The following STPG2 variants were observed in gnomAD, a reference collection of about 807,000 sequenced individuals.
STPG2 encodes the protein sperm tail PG-rich repeat containing 2.
STPG2 carries 56 observed loss-of-function variants against 54.2 expected under a neutral mutation model. The observed-to-expected ratio is 1.03, with a 90% CI of 0.83 to 1.29. The LOEUF (loss-of-function observed/expected upper bound fraction) is 1.29, where lower values mean the gene tolerates loss of function less well. Ranked by LOEUF, STPG2 falls within the 50% of genes most tolerant of loss-of-function variation. The probability of loss-of-function intolerance (pLI) is 0.00; values close to 1 mark genes in which losing one functional copy is unlikely to be tolerated. For synonymous variants in STPG2, 200 were observed against 181.8 expected, an observed-to-expected ratio of 1.10 and a Z score of -0.81; for missense variants, 596 against 544.9, an observed-to-expected ratio of 1.09 and a Z score of -0.93.
At chr4:97,449,179 T>C (rs371577667) in intron 4 of STPG2, among the ~76,000 whole-genome samples, 1 of 152,132 alleles carries the variant, frequency 6.6e-6, no homozygotes, top group Non-Finnish European at 1.5e-5. Context: ...AAACCTTTGA[T>C]GAAATCTAAA....
chr4:97,879,267 T>C (rs1730289074), intron 8 of STPG2, among the ~76,000 whole-genome samples: 1 of 152,204 alleles, frequency 6.6e-6, no homozygotes, highest in Non-Finnish European at 1.5e-5. Context: ...AGTTCCAAAG[T>C]TGCTTCCACA....
At chr4:98,112,927 A>G (rs1739404238) in intron 3 of STPG2, among the ~76,000 whole-genome samples, 1 of 150,966 alleles carries the variant, frequency 6.6e-6, no homozygotes, top group South Asian at 2.1e-4. Context: ...AATACTGGGG[A>G]TTTTCTGTCA....
intron 8 of STPG2, among the ~76,000 whole-genome samples, chr4:97,911,163 T>A (rs1731664811): frequency 6.6e-6 from 1 of 152,170 alleles, no homozygotes; most frequent in Admixed American, 6.5e-5. Flanking sequence ...TAAGATCCCT[T>A]CAAGCCCAGG....
intron 1 of STPG2, among the ~76,000 whole-genome samples, chr4:98,139,101 G>A (rs559828570): frequency 6.6e-6 from 1 of 152,172 alleles, no homozygotes; most frequent in Non-Finnish European, 1.5e-5. Context: ...CACTAATCTC[G>A]AATTTGAGTA....
At chr4:97,595,142 C>T (rs954908160) in intron 10 of STPG2, among the ~76,000 whole-genome samples, 3 of 152,202 alleles carry the variant, frequency 2.0e-5, no homozygotes, top group Non-Finnish European at 1.5e-5. Context: ...TATAAAGACA[C>T]ATGCACACAT....
chr4:97,511,797 T>A (rs1405241864), intron 4 of STPG2, among the ~76,000 whole-genome samples: 2 of 152,012 alleles, frequency 1.3e-5, no homozygotes, highest in African/African-American at 4.8e-5. Flanking sequence ...ACATAATTAA[T>A]TTCCTACATA....
chr4:97,971,373 T>C (rs1734318908), intron 7 of STPG2, among the ~76,000 whole-genome samples: 1 of 152,164 alleles, frequency 6.6e-6, no homozygotes, highest in Admixed American at 6.5e-5. Flanking sequence ...TGCAGCACTA[T>C]TCACAATAGC....
At chr4:97,454,820 GTAAAGTCTTTC>G (rs1729475252) in intron 4 of STPG2, among the ~76,000 whole-genome samples, 1 of 152,080 alleles carries the variant, frequency 6.6e-6, no homozygotes, top group African/African-American at 2.4e-5. Context: ...AAGAAAGCCA[GTAAAGTCTTTC>G]AAACTGTCTA....
chr4:97,587,676 C>T (rs1411558709), intron 10 of STPG2, among the ~76,000 whole-genome samples: 3 of 151,860 alleles, frequency 2.0e-5, no homozygotes, highest in African/African-American at 7.3e-5. Flanking sequence ...TCTTTGTAGT[C>T]CTAAAATGTC....
At chr4:97,834,052 T>C (rs1379150800) in intron 9 of STPG2, among the ~76,000 whole-genome samples, 1 of 152,104 alleles carries the variant, frequency 6.6e-6, no homozygotes, top group Non-Finnish European at 1.5e-5. Flanking sequence ...TAAAGACACA[T>C]GCACACGTAT....
Position 97,981,143 on chromosome 4 carries a change from T to C in STPG2, c.772+16A>G, listed in dbSNP as rs1416192433. The C allele has an allele frequency of 1.1e-5, 17 of 1,612,458 alleles. No individual in the cohort carries two copies. The highest frequency in any genetic ancestry group is 4.4e-5 in the South Asian group (4 of 90,872). ...TATAAAGCCAAAGAGTAGACATATA[T>C]AGATAAATTGCTAACCTGGCATTTC... On this transcript the variant is annotated intron_variant, in intron 6 of 10. Transcript: ENST00000295268.
At chr4:97,644,041 A>G (rs1245797020) in intron 10 of STPG2, among the ~76,000 whole-genome samples, 1 of 151,926 alleles carries the variant, frequency 6.6e-6, no homozygotes, top group African/African-American at 2.4e-5. Context: ...GATATGGCAA[A>G]GTTCACCTGC....
At chr4:97,665,399 T>C (rs60804385) in intron 10 of STPG2, among the ~76,000 whole-genome samples, 18,423 of 152,084 alleles carry the variant, frequency 0.12, 3,182 homozygotes, top group African/African-American at 0.38. Flanking sequence ...CTCCTTTCTG[T>C]AGCGAGGATG....
chr4:97,816,029 TAGC>T (rs1263392359), intron 9 of STPG2, among the ~76,000 whole-genome samples: 14 of 152,148 alleles, frequency 9.2e-5, no homozygotes, highest in African/African-American at 3.1e-4. Context: ...ATCCCTCCCC[TAGC>T]CTCCCATCCC....
chr4:97,612,309 T>C (rs1331994303), intron 10 of STPG2, among the ~76,000 whole-genome samples: 1 of 151,070 alleles, frequency 6.6e-6, no homozygotes, highest in Non-Finnish European at 1.5e-5. Context: ...TTGTCAACAT[T>C]GTGGATTTTG....
chr4:97,481,269 T>C (rs1449339828), intron 4 of STPG2, among the ~76,000 whole-genome samples: 1 of 151,594 alleles, frequency 6.6e-6, no homozygotes, highest in Non-Finnish European at 1.5e-5. Context: ...TCAAACTATT[T>C]TGATATCTGT....
At chr4:97,821,281 C>T (rs910386861) in intron 9 of STPG2, among the ~76,000 whole-genome samples, 1 of 152,102 alleles carries the variant, frequency 6.6e-6, no homozygotes, top group African/African-American at 2.4e-5. Context: ...CAAAATAATC[C>T]CTTATTACCC....
intron 9 of STPG2, among the ~76,000 whole-genome samples, chr4:97,738,936 A>T (rs1725121194): frequency 6.6e-6 from 1 of 152,188 alleles, no homozygotes; most frequent in South Asian, 2.1e-4. Context: ...CACCACACCT[A>T]TTCCAAAATT....
At chr4:97,945,766 TG>T (rs1733191385) in intron 7 of STPG2, among the ~76,000 whole-genome samples, 1 of 152,160 alleles carries the variant, frequency 6.6e-6, no homozygotes, top group Non-Finnish European at 1.5e-5. Flanking sequence ...TTTTTAACAC[TG>T]GCCATTCTTG....
Sources: gnomAD v4.1 joint callset for allele counts (sites outside exome capture counted in the v4.1 genomes callset) on GRCh38, gnomAD v4.1.1 for gene constraint, MANE v1.5 for transcripts, NCBI Gene and HGNC (gene_info 2026-07-23, HGNC 2026-07-21) for gene names.